Variants in RALGPS1 observed in about 807,000 individuals in gnomAD.
RALGPS1 encodes the protein Ral GEF with PH domain and SH3 binding motif 1.
In RALGPS1, 19 loss-of-function variants were observed where a neutral mutation model predicts 78.8. The ratio of observed to expected loss-of-function variants is 0.24; its 90% CI spans 0.17 to 0.35. RALGPS1 has a LOEUF of 0.35. Ranked by LOEUF, RALGPS1 falls within the 10% of genes least tolerant of loss-of-function variation. The pLI, the probability that RALGPS1 is intolerant of heterozygous loss-of-function variation, is 1.00. For synonymous variants in RALGPS1, 228 were observed against 256.3 expected (o/e 0.89, Z 1.06); for missense variants, 454 against 688.3 (o/e 0.66, Z 3.81).
At chr9:126,936,052 T>G (rs539772691) in intron 1 of RALGPS1, among the ~76,000 whole-genome samples, 20 of 152,350 alleles carry the variant, frequency 1.3e-4, no homozygotes, top group African/African-American at 4.8e-4. Context: ...AGAGAATCTG[T>G]TTCCATTCCT....
chr9:127,168,813 A>G (rs1240833197), intron 10 of RALGPS1, 41 bp downstream of exon 10: 1 of 1,527,064 alleles, frequency 6.5e-7, no homozygotes, highest in Non-Finnish European at 9.1e-7. Context: ...TCCCAGCCCC[A>G]CTTTTGTCCT....
intron 14 of RALGPS1, among the ~76,000 whole-genome samples, chr9:127,207,827 G>A (rs760713330): frequency 6.6e-6 from 1 of 152,210 alleles, no homozygotes; most frequent in Non-Finnish European, 1.5e-5. Flanking sequence ...CACTGGTGCC[G>A]CCCTTCAAGG....
chr9:127,146,102 G>C (rs2058078580), intron 8 of RALGPS1, among the ~76,000 whole-genome samples: 2 of 152,092 alleles, frequency 1.3e-5, no homozygotes, highest in South Asian at 4.1e-4. Flanking sequence ...TTAGATATGG[G>C]GGTACATGTA....
intron 3 of RALGPS1, among the ~76,000 whole-genome samples, chr9:126,969,571 A>G (rs988098711): frequency 6.6e-6 from 1 of 152,216 alleles, no homozygotes; most frequent in Non-Finnish European, 1.5e-5. Context: ...CTCGCAGGCC[A>G]GTGGCCTAGC....
At chr9:127,214,674 C>T (rs2062473451) in intron 17 of RALGPS1, 77 bp from the exon 18 acceptor site, 1 of 1,537,992 alleles carries the variant, frequency 6.5e-7, no homozygotes, top group African/African-American at 1.4e-5. Flanking sequence ...CCCGTGTTTA[C>T]ATTTCTCTTT....
intron 7 of RALGPS1, among the ~76,000 whole-genome samples, chr9:127,067,572 G>A (rs1222874921): frequency 6.6e-6 from 1 of 152,238 alleles, no homozygotes; most frequent in Non-Finnish European, 1.5e-5. Context: ...GTGCTAGGCA[G>A]TCATTTTCCC....
At chr9:127,037,187 G>T (rs553934651) in intron 5 of RALGPS1, among the ~76,000 whole-genome samples, 1 of 152,222 alleles carries the variant, frequency 6.6e-6, no homozygotes, top group Non-Finnish European at 1.5e-5. Flanking sequence ...AAACAAAGGG[G>T]CAGAGTAGTA....
intron 1 of RALGPS1, among the ~76,000 whole-genome samples, chr9:126,937,266 CATG>C (rs2036350978): frequency 6.6e-6 from 1 of 152,130 alleles, no homozygotes; most frequent in South Asian, 2.1e-4. Flanking sequence ...TAAGGGAAAA[CATG>C]ATAATAGGTT....
At chr9:127,052,733 A>T (rs2048398995) in intron 6 of RALGPS1, 114 bp from the exon 7 acceptor site, 1 of 686,402 alleles carries the variant, frequency 1.5e-6, no homozygotes, top group Non-Finnish European at 2.5e-6. Flanking sequence ...TTTCCACATG[A>T]GATATTTTTA....
At chr9:127,181,272 C>G (rs778647274) in intron 11 of RALGPS1, among the ~76,000 whole-genome samples, 2 of 152,254 alleles carry the variant, frequency 1.3e-5, no homozygotes, top group Non-Finnish European at 2.9e-5. Flanking sequence ...GTCATAGCAG[C>G]TAAGCTGCTT....
At chr9:127,010,751 A>G (rs1047971850) in intron 4 of RALGPS1, among the ~76,000 whole-genome samples, 2 of 152,236 alleles carry the variant, frequency 1.3e-5, no homozygotes, top group South Asian at 4.1e-4. Flanking sequence ...TGATGGCCTC[A>G]AAATCATCCA....
intron 4 of RALGPS1, among the ~76,000 whole-genome samples, chr9:127,025,974 G>A (rs2045930552): frequency 6.6e-6 from 1 of 152,164 alleles, no homozygotes; most frequent in East Asian, 1.9e-4. Flanking sequence ...AAAGTGCTGG[G>A]ATTACAGATG....
At chr9:127,120,689 G>A (rs531195910) in intron 8 of RALGPS1, among the ~76,000 whole-genome samples, 8 of 152,258 alleles carry the variant, frequency 5.3e-5, no homozygotes, top group South Asian at 4.2e-4. Context: ...TTAGCTGGGC[G>A]TGGTGGTGGG....
At chr9:127,054,268 A>T (rs1480313140) in intron 7 of RALGPS1, among the ~76,000 whole-genome samples, 2 of 152,032 alleles carry the variant, frequency 1.3e-5, no homozygotes, top group Admixed American at 6.5e-5. Context: ...TTGCTTGGAG[A>T]TTCTTTTTCA....
intron 1 of RALGPS1, among the ~76,000 whole-genome samples, chr9:126,922,034 C>T (rs540758814): frequency 2.6e-5 from 4 of 152,270 alleles, no homozygotes; most frequent in East Asian, 3.9e-4. Flanking sequence ...ACTCTTCCTG[C>T]GCTGGGATTG....
At chr9:126,968,221 T>C (rs561785420) in intron 3 of RALGPS1, among the ~76,000 whole-genome samples, 2 of 152,104 alleles carry the variant, frequency 1.3e-5, no homozygotes, top group African/African-American at 4.8e-5. Flanking sequence ...CAGGATGGTC[T>C]CAATCTCCTG....
At chr9:127,093,555 T>C (rs2136483842) in intron 8 of RALGPS1, among the ~76,000 whole-genome samples, 1 of 152,322 alleles carries the variant, frequency 6.6e-6, no homozygotes. Context: ...CTGGTGGGTT[T>C]GCAAAATGGC....
chr9:127,030,729 C>G (rs1038764504), intron 4 of RALGPS1, among the ~76,000 whole-genome samples: 2 of 151,534 alleles, frequency 1.3e-5, no homozygotes, highest in Admixed American at 6.6e-5. Context: ...GTGGAAGGTA[C>G]AGGGATGACA....
chr9:127,126,463 A>G (rs1004681312), intron 8 of RALGPS1, among the ~76,000 whole-genome samples: 11 of 152,102 alleles, frequency 7.2e-5, no homozygotes, highest in Non-Finnish European at 1.2e-4. Context: ...TTAATTTTTT[A>G]TGCTCAATTA....
Sources: gnomAD v4.1 joint callset for allele counts (sites outside exome capture counted in the v4.1 genomes callset) on GRCh38, gnomAD v4.1.1 for gene constraint, MANE v1.5 for transcripts, NCBI Gene and HGNC (gene_info 2026-07-23, HGNC 2026-07-21) for gene names.